Variants in LHB observed in about 807,000 individuals in gnomAD.
LHB encodes luteinizing hormone subunit beta.
In LHB, 11 loss-of-function variants were observed where a neutral mutation model predicts 10.6. The ratio of observed to expected loss-of-function variants is 1.04; its 90% CI spans 0.66 to 1.72. The LOEUF (loss-of-function observed/expected upper bound fraction) is 1.72, where lower values mean the gene tolerates loss of function less well. Among genes scored for constraint, LHB ranks in the 40% most tolerant of loss-of-function variants. LHB has a pLI of 0.00. For synonymous variants in LHB, 86 were observed against 83.1 expected (o/e 1.03, Z -0.19); for missense variants, 184 against 197.3 (o/e 0.93, Z 0.41).
chr19:49,017,611 C>G (rs1260432157), upstream of LHB: 3 of 1,047,264 alleles, frequency 2.9e-6, no homozygotes, highest in Non-Finnish European at 3.5e-6. Flanking sequence ...GGATTAAGCC[C>G]GAGCCCCACC....
At chr19:49,017,905 C>A, upstream of LHB, 1 of 398,332 alleles carries the variant, frequency 2.5e-6, no homozygotes, top group South Asian at 1.3e-4. Context: ...GAGCGGAGGT[C>A]CCGAGCTCCG....
chr19:49,017,410 A>T, upstream of LHB: 1 of 1,125,472 alleles, frequency 8.9e-7, no homozygotes. Context: ...GGGTCTTGGG[A>T]GCCAGGAGGA....
At chr19:49,017,094 C>A (rs777577837), upstream of LHB, 256 of 1,613,832 alleles carry the variant, frequency 1.6e-4, no homozygotes, top group Non-Finnish European at 2.1e-4. Flanking sequence ...TTGGTGCATC[C>A]CCTGCCTCGT....
At chr19:49,017,467 T>A (rs929695435), upstream of LHB, 5 of 1,149,480 alleles carry the variant, frequency 4.3e-6, no homozygotes, top group Non-Finnish European at 5.5e-6. Context: ...AACCCTCCAC[T>A]TGAGGCTTTC....
intron 2 of LHB, 101 bp downstream of exon 2, chr19:49,016,446 C>A (rs1261557099): frequency 6.2e-7 from 1 of 1,601,714 alleles, no homozygotes; most frequent in Admixed American, 1.7e-5. Flanking sequence ...ACCCCATTCC[C>A]CAACCGCAGG....
upstream of LHB, chr19:49,018,918 T>G (rs1288953923): frequency 1.2e-5 from 19 of 1,534,346 alleles, no homozygotes; most frequent in Non-Finnish European, 1.5e-5. Context: ...CAGATAGAGC[T>G]GGCGGCGGTC....
At chr19:49,017,583 C>T, upstream of LHB, 1 of 1,093,290 alleles carries the variant, frequency 9.1e-7, no homozygotes, top group Non-Finnish European at 1.1e-6. Context: ...GCCACTTGAC[C>T]CAGATGCCCC....
chr19:49,018,947 T>C, upstream of LHB: 1 of 1,534,442 alleles, frequency 6.5e-7, no homozygotes, highest in Non-Finnish European at 8.7e-7. Context: ...CCCGGTCGGA[T>C]ACTGTGAAAG....
rs370781314 is a variant in LHB, at chr19:49,016,182, C to A, written c.312G>T (p.Val104=). 1.2e-6 allele frequency: 2 copies of A among 1,612,622 alleles called. No homozygotes were observed. Among genetic ancestry groups the A allele is most frequent in the Non-Finnish European group, 1.7e-6 (2 of 1,179,976 alleles). The change falls in exon 3 of 3, where the codon GTG becomes GTT. Residue 104 remains valine (V), a synonymous_variant. Coordinates refer to ENST00000649238, the MANE Select transcript of LHB (RefSeq NM_000894.3). The stretch of plus-strand genomic sequence containing the variant: ...AGGGTCCACAGCGACAGCTGAGAGC[C>A]ACAGGGAAGGAGACCACGGGGTCCA... ...RGVDPVVSFP[V]ALSCRCGPCR...
Position 49,016,626 on chromosome 19 carries a change from A to T in LHB, c.104T>A (p.Ile35Asn). 6.2e-7 allele frequency: 1 copy of T among 1,610,464 alleles called. No individual in the cohort carries two copies. The highest frequency in any genetic ancestry group is 8.5e-7 in the Non-Finnish European group (1 of 1,179,244). The change falls in exon 2 of 3, where the codon ATC becomes AAC. Residue 35 changes from isoleucine to asparagine, a missense_variant. Coordinates refer to ENST00000649238, the MANE Select transcript of LHB (RefSeq NM_000894.3). Reference sequence around the variant, plus strand: ...GCAGCCCTCCTTCTCGACAGCCAGGATGGCATTGATGGGGTGGCACCATGG... The same window carrying T: ...GCAGCCCTCCTTCTCGACAGCCAGGTTGGCATTGATGGGGTGGCACCATGG... ...LRPWCHPINA[I>N]LAVEKEGCPV...
chr19:49,018,380 C>T, upstream of LHB: 4 of 1,180,322 alleles, frequency 3.4e-6, no homozygotes, highest in Non-Finnish European at 4.3e-6. Flanking sequence ...ACAGCTGGAT[C>T]CTTGGGGACG....
rs143118489 is a variant in LHB at position 49,016,564 on chromosome 19, C to T, written c.166G>A (p.Gly56Ser). 15 of 1,609,224 alleles carry T rather than the reference C, an allele frequency of 9.3e-6. No individual in the cohort carries two copies. The South Asian group carries it at 1.1e-4, about 12-fold the overall frequency. Residue 56 changes from glycine to serine, a missense_variant, in exon 2 of 3, where the codon GGC becomes AGC. Transcript: ENST00000649238. ...CAGCTCACCATGGTGGGGCAGTAGC[C>T]GGCACAGATGGTGGTGTTGACGGTG... ...CITVNTTICA[G>S]YCPTMMRVLQ...
intron 1 of LHB, 133 bp from the exon 2 acceptor site, chr19:49,016,847 C>T (rs952818832): frequency 1.2e-5 from 19 of 1,570,722 alleles, no homozygotes; most frequent in African/African-American, 5.4e-5. Flanking sequence ...ACCCACCACC[C>T]GGACACCTGC....
upstream of LHB, chr19:49,019,161 ACGC>A (rs2039599265): frequency 7.1e-7 from 1 of 1,409,682 alleles, no homozygotes; most frequent in Non-Finnish European, 9.2e-7. Context: ...CCTGCCACCC[ACGC>A]CAGGGAACTT....
At chr19:49,019,251 T>A, upstream of LHB, 1 of 1,315,032 alleles carries the variant, frequency 7.6e-7, no homozygotes, top group South Asian at 2.1e-5. Context: ...TTCAAGGAAC[T>A]CAAACCCAAG....
In LHB at chr19:49,016,160, G is replaced by A. The variant is rs781570619; in HGVS notation, c.334C>T (p.Pro112Ser). 7 of 1,612,734 alleles carry A rather than the reference G, an allele frequency of 4.3e-6. No homozygotes were observed. In the South Asian group the frequency reaches 5.5e-5, roughly 13 times the overall value. The change falls in exon 3 of 3, where the codon CCC (proline) becomes TCC (serine). Residue 112 changes from proline to serine, a missense_variant. Transcript: ENST00000649238. The stretch of plus-strand genomic sequence containing the variant: ...CAGTCAGAGGTGCTGCGGCGGCAGG[G>A]TCCACAGCGACAGCTGAGAGCCACA... The part of the protein sequence containing the change: ...FPVALSCRCG[P>S]CRRSTSDCGG...
At position 49,016,198 on chromosome 19, in the gene LHB, A is replaced by G; in HGVS notation, c.296T>C (p.Val99Ala). ...LPGCPRGVDP[V>A]VSFPVALSCR... is the part of the protein sequence containing the mutation. ...GCTGAGAGCCACAGGGAAGGAGACC[A>G]CGGGGTCCACACCACGCGGGCAGCC... Residue 99 changes from valine to alanine, a missense_variant, in exon 3 of 3, where the codon GTG becomes GCG. By Grantham distance (64) the Val-to-Ala change is moderately conservative. Transcript: ENST00000649238. 1 of 1,612,654 alleles carries G rather than the reference A, an allele frequency of 6.2e-7. No individual in the cohort carries two copies. Among genetic ancestry groups the G allele is most frequent in the Non-Finnish European group, 8.5e-7 (1 of 1,179,960 alleles).
chr19:49,016,223 C>A lies in LHB; in HGVS notation c.271G>T (p.Gly91Cys). The change falls in exon 3 of 3, where the codon GGC becomes TGC. Residue 91 changes from glycine (G) to cysteine (C), a missense_variant. Coordinates refer to ENST00000649238, the MANE Select transcript of LHB (RefSeq NM_000894.3). ...ACGGGGTCCACACCACGCGGGCAGC[C>A]AGGGAGCCGGATGGACTCGAAGCGC... The part of the protein sequence containing the change: ...DVRFESIRLP[G>C]CPRGVDPVVS... 1 of 1,612,540 alleles carries A rather than the reference C, an allele frequency of 6.2e-7. No individual in the cohort carries two copies. The highest frequency in any genetic ancestry group is 2.2e-5 in the East Asian group (1 of 44,878).
At chr19:49,018,471 A>G, upstream of LHB, 2 of 517,284 alleles carry the variant, frequency 3.9e-6, no homozygotes, top group Non-Finnish European at 6.0e-6. Context: ...GAAGGACGCG[A>G]CCCGGCACGC....
Sources: allele counts gnomAD v4.1 joint callset, GRCh38; gene constraint gnomAD v4.1.1; transcripts MANE v1.5; gene names NCBI Gene and HGNC (gene_info 2026-07-23, HGNC 2026-07-21).